ALDH1A2: variants seen among roughly 807,000 people sequenced by gnomAD.
ALDH1A2 encodes the protein aldehyde dehydrogenase 1 family member A2.
A neutral mutation model predicts 60.3 loss-of-function variants in ALDH1A2; 27 were observed. The observed-to-expected ratio is 0.45, with a 90% confidence interval of 0.33 to 0.62. The LOEUF (loss-of-function observed/expected upper bound fraction) is 0.62. Among genes scored for constraint, ALDH1A2 ranks in the 20% least tolerant of loss-of-function variants. The pLI is 0.02. For synonymous variants in ALDH1A2, 289 were observed against 232.4 expected (o/e 1.24, Z -2.21); for missense variants, 581 against 643.8 (o/e 0.90, Z 1.06).
intron 4 of ALDH1A2, among the ~76,000 whole-genome samples, chr15:58,010,391 C>T (rs561031417): frequency 1.3e-5 from 2 of 152,256 alleles, no homozygotes; most frequent in South Asian, 2.1e-4. Flanking sequence ...TGACCACTTA[C>T]CAGCTGACAA....
At chr15:58,033,662 G>GT (rs1896301499) in intron 1 of ALDH1A2, among the ~76,000 whole-genome samples, 1 of 145,426 alleles carries the variant, frequency 6.9e-6, no homozygotes, top group Admixed American at 7.0e-5. Flanking sequence ...TGTGGAAGTT[G>GT]TAAGTTCAGT....
intron 1 of ALDH1A2, among the ~76,000 whole-genome samples, chr15:58,056,222 A>G (rs1341035033): frequency 6.6e-6 from 1 of 152,138 alleles, no homozygotes. Flanking sequence ...CACTGTTCTT[A>G]GTTTAGGGAA....
intron 1 of ALDH1A2, among the ~76,000 whole-genome samples, chr15:58,043,479 G>A (rs547920689): frequency 6.6e-6 from 1 of 152,004 alleles, no homozygotes; most frequent in Non-Finnish European, 1.5e-5. Context: ...CTTCTCTAAA[G>A]AGTGTATGTT....
At chr15:57,982,715 T>G (rs1894557018) in intron 7 of ALDH1A2, among the ~76,000 whole-genome samples, 1 of 152,228 alleles carries the variant, frequency 6.6e-6, no homozygotes, top group African/African-American at 2.4e-5. Flanking sequence ...TGGACATTAC[T>G]TGCCCTCAAT....
At chr15:57,971,402 A>G (rs78077960) in intron 7 of ALDH1A2, among the ~76,000 whole-genome samples, 12,130 of 152,146 alleles carry the variant, frequency 0.08, 488 homozygotes, top group Middle Eastern at 0.13. Flanking sequence ...CCCGACTACA[A>G]TGACTGACTT....
intron 7 of ALDH1A2, among the ~76,000 whole-genome samples, chr15:57,971,262 A>C (rs561368666): frequency 6.6e-6 from 1 of 152,260 alleles, no homozygotes; most frequent in East Asian, 1.9e-4. Flanking sequence ...TTTTACAGAG[A>C]TAACTCTTTC....
chr15:58,058,235 A>C, intron 1 of ALDH1A2: 8 of 585,152 alleles, frequency 1.4e-5, no homozygotes, highest in East Asian at 6.2e-5. Context: ...CACACATCTC[A>C]GTCTGGAAAT....
At chr15:57,973,267 T>C (rs1233393578) in intron 7 of ALDH1A2, among the ~76,000 whole-genome samples, 1 of 152,256 alleles carries the variant, frequency 6.6e-6, no homozygotes, top group Admixed American at 6.5e-5. Context: ...AATATTTACA[T>C]GCACTGCTTA....
At chr15:58,049,110 T>C (rs1896709870) in intron 1 of ALDH1A2, among the ~76,000 whole-genome samples, 1 of 152,124 alleles carries the variant, frequency 6.6e-6, no homozygotes, top group Non-Finnish European at 1.5e-5. Flanking sequence ...CTCAGCGTAT[T>C]TTACAATTTA....
intron 7 of ALDH1A2, chr15:57,980,442 G>C (rs1595634237): frequency 2.9e-6 from 1 of 341,142 alleles, no homozygotes. Flanking sequence ...AATGAGGCCG[G>C]CTGCAGCTTG....
At chr15:58,032,127 T>C (rs1219935403) in intron 1 of ALDH1A2, among the ~76,000 whole-genome samples, 12 of 152,192 alleles carry the variant, frequency 7.9e-5, no homozygotes, top group African/African-American at 2.6e-4. Flanking sequence ...AATGATAGAC[T>C]GGATTAAGAA....
intron 7 of ALDH1A2, among the ~76,000 whole-genome samples, chr15:57,967,368 G>C (rs145447254): frequency 9.2e-5 from 14 of 152,280 alleles, no homozygotes; most frequent in African/African-American, 3.1e-4. Context: ...TAAGTGTGCA[G>C]ACATGCTAAC....
At chr15:57,978,601 C>G (rs777567380) in intron 7 of ALDH1A2, among the ~76,000 whole-genome samples, 16 of 152,038 alleles carry the variant, frequency 1.1e-4, no homozygotes, top group Non-Finnish European at 1.9e-4. Context: ...GTTTGGTCCA[C>G]AGTCATATTT....
intron 7 of ALDH1A2, among the ~76,000 whole-genome samples, chr15:57,971,402 ATGAC>A (rs1342327491): frequency 7.9e-5 from 12 of 152,050 alleles, no homozygotes; most frequent in Admixed American, 1.3e-4. Flanking sequence ...CCCGACTACA[ATGAC>A]TGACTTTTAA....
chr15:58,062,298 C>T (rs1033137342), intron 1 of ALDH1A2, among the ~76,000 whole-genome samples: 2 of 151,774 alleles, frequency 1.3e-5, no homozygotes, highest in Admixed American at 6.6e-5. Context: ...GACAGCACAA[C>T]GATCTGGGGG....
chr15:57,960,554 A>G (rs1160253293), intron 12 of ALDH1A2, among the ~76,000 whole-genome samples: 5 of 152,220 alleles, frequency 3.3e-5, no homozygotes, highest in African/African-American at 9.6e-5. Context: ...AATTAATGGT[A>G]CATTAATTTT....
chr15:58,032,789 A>AAC (rs59226967), intron 1 of ALDH1A2, among the ~76,000 whole-genome samples: 58,699 of 149,158 alleles, frequency 0.39, 11,888 homozygotes, highest in Non-Finnish European at 0.47. Context: ...AGTGCCCCTC[A>AAC]ACACACACAC....
intron 1 of ALDH1A2, among the ~76,000 whole-genome samples, chr15:58,060,086 A>C (rs1294698954): frequency 6.6e-6 from 1 of 151,922 alleles, no homozygotes; most frequent in African/African-American, 2.4e-5. Context: ...CCACACAGCT[A>C]ATTTCATATT....
At chr15:58,036,634 T>TA (rs1896384719) in intron 1 of ALDH1A2, 1 of 151,528 alleles carries the variant, frequency 6.6e-6, no homozygotes, top group African/African-American at 2.4e-5. Context: ...GCAAAATATA[T>TA]ACTAAAGGCC....
Sources: allele counts gnomAD v4.1 joint callset (sites outside exome capture counted in the v4.1 genomes callset), GRCh38; gene constraint gnomAD v4.1.1; transcripts MANE v1.5; gene names NCBI Gene and HGNC (gene_info 2026-07-23, HGNC 2026-07-21).